The following CNTN6 variants were observed in gnomAD, a reference collection of about 807,000 sequenced individuals.
The protein encoded by CNTN6 is contactin-6.
A neutral mutation model predicts 122.8 loss-of-function variants in CNTN6; 137 were observed. That is an observed-to-expected ratio of 1.12 (90% CI 0.97 to 1.29). CNTN6 has a LOEUF of 1.29. Among genes scored for constraint, CNTN6 ranks in the 50% most tolerant of loss-of-function variants. CNTN6 has a pLI of 0.00. For synonymous variants in CNTN6, 570 were observed against 426.0 expected (o/e 1.34, Z -4.16); for missense variants, 1,634 against 1,223.4 (o/e 1.34, Z -5.01).
intron 2 of CNTN6, among the ~76,000 whole-genome samples, chr3:1,169,262 T>TA (rs2093317217): frequency 1.3e-5 from 2 of 152,160 alleles, no homozygotes; most frequent in South Asian, 4.1e-4. Flanking sequence ...TCTAAATACT[T>TA]AAAAAAGGTG....
At chr3:1,298,773 T>G (rs1227599516) in intron 7 of CNTN6, among the ~76,000 whole-genome samples, 1 of 152,158 alleles carries the variant, frequency 6.6e-6, no homozygotes, top group Non-Finnish European at 1.5e-5. Context: ...GGGTGATGTT[T>G]GATTCCTCCA....
intron 2 of CNTN6, among the ~76,000 whole-genome samples, chr3:1,183,082 T>C (rs1427105911): frequency 6.6e-6 from 1 of 152,164 alleles, no homozygotes; most frequent in African/African-American, 2.4e-5. Context: ...GTTGTGATCT[T>C]TTTAAAATGC....
At chr3:1,338,491 G>T (rs796144856) in intron 11 of CNTN6, among the ~76,000 whole-genome samples, 1 of 152,074 alleles carries the variant, frequency 6.6e-6, no homozygotes, top group Non-Finnish European at 1.5e-5. Flanking sequence ...TATCTACTTA[G>T]ATAGAAATGT....
chr3:1,248,799 G>A (rs536455783), intron 4 of CNTN6, among the ~76,000 whole-genome samples: 6 of 151,922 alleles, frequency 3.9e-5, no homozygotes, highest in South Asian at 2.1e-4. Flanking sequence ...CAGCCTGGGC[G>A]ACATGAGTGA....
At chr3:1,147,331 T>G (rs952687031) in intron 1 of CNTN6, among the ~76,000 whole-genome samples, 3 of 152,086 alleles carry the variant, frequency 2.0e-5, no homozygotes, top group African/African-American at 7.2e-5. Flanking sequence ...AACCATAGTC[T>G]GTTACAATCA....
chr3:1,253,171 G>C (rs2094698127), intron 4 of CNTN6, among the ~76,000 whole-genome samples: 1 of 152,102 alleles, frequency 6.6e-6, no homozygotes, highest in African/African-American at 2.4e-5. Flanking sequence ...CAGAGGACTT[G>C]TATATTTCAT....
At chr3:1,113,183 G>A (rs1237646790) in intron 1 of CNTN6, among the ~76,000 whole-genome samples, 1 of 152,096 alleles carries the variant, frequency 6.6e-6, no homozygotes, top group Non-Finnish European at 1.5e-5. Context: ...GTAATATATT[G>A]CCTGTAACTT....
chr3:1,229,212 T>A (rs1399262062), intron 4 of CNTN6, among the ~76,000 whole-genome samples: 1 of 152,184 alleles, frequency 6.6e-6, no homozygotes, highest in African/African-American at 2.4e-5. Context: ...TTTATAACAC[T>A]TGATTTCTTC....
chr3:1,155,910 A>G (rs2092951979), intron 2 of CNTN6, among the ~76,000 whole-genome samples: 1 of 152,228 alleles, frequency 6.6e-6, no homozygotes. Flanking sequence ...AAAACTTCAT[A>G]AAGCACGGCT....
At chr3:1,342,198 C>T (rs1195304983) in intron 11 of CNTN6, among the ~76,000 whole-genome samples, 6 of 152,058 alleles carry the variant, frequency 3.9e-5, no homozygotes, top group African/African-American at 9.7e-5. Flanking sequence ...GGCACGATCT[C>T]GGCTCACTGC....
chr3:1,173,166 G>A (rs777708789), intron 2 of CNTN6: 1 of 454,628 alleles, frequency 2.2e-6, no homozygotes, highest in Non-Finnish European at 4.4e-6. Flanking sequence ...CGTAAGGAGA[G>A]GACATTTTGA....
intron 4 of CNTN6, among the ~76,000 whole-genome samples, chr3:1,271,724 G>T (rs1014235764): frequency 6.6e-6 from 1 of 152,138 alleles, no homozygotes; most frequent in Admixed American, 6.5e-5. Context: ...GGGAGAGAAA[G>T]CACCTTTACC....
intron 1 of CNTN6, among the ~76,000 whole-genome samples, chr3:1,096,253 T>C (rs1398270699): frequency 1.3e-5 from 2 of 150,796 alleles, no homozygotes; most frequent in East Asian, 3.9e-4. Flanking sequence ...GATTCTTTTG[T>C]TGTGTGTGTG....
chr3:1,108,660 T>C (rs2091339897), intron 1 of CNTN6, among the ~76,000 whole-genome samples: 1 of 152,072 alleles, frequency 6.6e-6, no homozygotes, highest in African/African-American at 2.4e-5. Flanking sequence ...TATTTAAGGC[T>C]CTAAGGAGTC....
At chr3:1,316,452 A>C (rs1248643789) in intron 7 of CNTN6, among the ~76,000 whole-genome samples, 1 of 151,810 alleles carries the variant, frequency 6.6e-6, no homozygotes, top group Non-Finnish European at 1.5e-5. Context: ...CATATCTCAC[A>C]ATAACTCACT....
intron 1 of CNTN6, among the ~76,000 whole-genome samples, chr3:1,100,025 G>A (rs2090794041): frequency 6.6e-6 from 1 of 152,036 alleles, no homozygotes; most frequent in Non-Finnish European, 1.5e-5. Context: ...ATTTCTCCCA[G>A]TGCTCATATT....
At chr3:1,399,515 G>A (rs529829029) in intron 20 of CNTN6, among the ~76,000 whole-genome samples, 2 of 152,044 alleles carry the variant, frequency 1.3e-5, no homozygotes, top group Non-Finnish European at 1.5e-5. Flanking sequence ...ACCAGGACAT[G>A]GTCAATCCAA....
At chr3:1,164,201 A>C (rs1177479159) in intron 2 of CNTN6, among the ~76,000 whole-genome samples, 1 of 152,234 alleles carries the variant, frequency 6.6e-6, no homozygotes, top group African/African-American at 2.4e-5. Flanking sequence ...AACTGGTGGC[A>C]CTACTGACCA....
At chr3:1,262,685 G>C (rs1019643800) in intron 4 of CNTN6, among the ~76,000 whole-genome samples, 15 of 152,180 alleles carry the variant, frequency 9.9e-5, no homozygotes, top group African/African-American at 3.4e-4. Context: ...AAGACTATAG[G>C]TCATACTTTT....
Sources: allele counts gnomAD v4.1 joint callset (sites outside exome capture counted in the v4.1 genomes callset), GRCh38; gene constraint gnomAD v4.1.1; transcripts MANE v1.5; gene names NCBI Gene and HGNC (gene_info 2026-07-23, HGNC 2026-07-21).